STAU2: variants seen among roughly 807,000 people sequenced by gnomAD.
The protein encoded by STAU2 is double-stranded RNA-binding protein Staufen homolog 2.
Under a neutral mutation model 65.9 loss-of-function variants are expected in STAU2, and 20 were observed. The ratio of observed to expected loss-of-function variants is 0.30; its 90% CI spans 0.21 to 0.44. STAU2 has a LOEUF of 0.44. Among genes scored for constraint, STAU2 ranks in the 20% least tolerant of loss-of-function variants. The probability of loss-of-function intolerance (pLI) is 1.00; values close to 1 mark genes in which losing one functional copy is unlikely to be tolerated. For synonymous variants in STAU2, 232 were observed against 233.9 expected (o/e 0.99, Z 0.07); for missense variants, 558 against 683.9 (o/e 0.82, Z 2.05).
chr8:73,739,994 T>A, intron 1 of STAU2, 126 bp from the exon 2 acceptor site: 2 of 585,030 alleles, frequency 3.4e-6, no homozygotes, highest in East Asian at 5.7e-5. Context: ...TGTGGTGCCC[T>A]TTGGAGAGGC....
intron 9 of STAU2, among the ~76,000 whole-genome samples, chr8:73,613,200 G>A (rs1211634083): frequency 2.0e-5 from 3 of 152,198 alleles, no homozygotes; most frequent in Non-Finnish European, 4.4e-5. Flanking sequence ...ACTGCTTTAT[G>A]ATTTCCAGCT....
At chr8:73,604,867 A>G (rs1811897533) in intron 9 of STAU2, among the ~76,000 whole-genome samples, 1 of 152,186 alleles carries the variant, frequency 6.6e-6, no homozygotes, top group Non-Finnish European at 1.5e-5. Flanking sequence ...TGTCTAGTAA[A>G]GCCTGAGATG....
chr8:73,692,185 T>C (rs1038067094), intron 4 of STAU2, among the ~76,000 whole-genome samples: 1 of 150,848 alleles, frequency 6.6e-6, no homozygotes, highest in Non-Finnish European at 1.5e-5. Context: ...ACACACTTCA[T>C]CCTACGTACT....
At chr8:73,453,786 T>TA (rs201566035) in intron 13 of STAU2, among the ~76,000 whole-genome samples, 3,687 of 151,118 alleles carry the variant, frequency 0.024, 55 homozygotes, top group Non-Finnish European at 0.039. Context: ...ATCTTTTTTT[T>TA]AAAAAAAAAA....
At chr8:73,570,377 G>T (rs1808963569) in intron 12 of STAU2, among the ~76,000 whole-genome samples, 1 of 152,062 alleles carries the variant, frequency 6.6e-6, no homozygotes, top group Non-Finnish European at 1.5e-5. Context: ...AACCAAGTTG[G>T]AAAACACTCT....
intron 6 of STAU2, among the ~76,000 whole-genome samples, chr8:73,645,876 G>A (rs978739101): frequency 6.6e-6 from 1 of 152,048 alleles, no homozygotes; most frequent in Non-Finnish European, 1.5e-5. Flanking sequence ...TCATTATCAC[G>A]AGAACAGCAC....
intron 13 of STAU2, among the ~76,000 whole-genome samples, chr8:73,547,187 T>C (rs185139145): frequency 1.3e-5 from 2 of 152,338 alleles, no homozygotes; most frequent in Admixed American, 1.3e-4. Flanking sequence ...TGTCTTACTA[T>C]GTATGTGCTG....
chr8:73,509,807 C>T (rs1233836983), intron 13 of STAU2, among the ~76,000 whole-genome samples: 1 of 151,744 alleles, frequency 6.6e-6, no homozygotes, highest in African/African-American at 2.4e-5. Flanking sequence ...TGAGAGATTT[C>T]TTCAATATAC....
chr8:73,524,205 T>C (rs1031597905), intron 13 of STAU2, among the ~76,000 whole-genome samples: 5 of 152,074 alleles, frequency 3.3e-5, no homozygotes, highest in African/African-American at 1.2e-4. Flanking sequence ...AGACATAATT[T>C]AGAGGAAGAG....
chr8:73,641,947 T>C (rs559042736), intron 6 of STAU2, among the ~76,000 whole-genome samples: 1 of 152,288 alleles, frequency 6.6e-6, no homozygotes, highest in Admixed American at 6.5e-5. Flanking sequence ...TCAAATGTAC[T>C]CTTTTATACT....
intron 11 of STAU2, among the ~76,000 whole-genome samples, chr8:73,586,645 G>GAAAAAAAAAAAAAAAAAAAAA (rs1563440667): frequency 6.2e-5 from 2 of 32,092 alleles, no homozygotes; most frequent in South Asian, 7.5e-4. Context: ...GAAAAAAAAT[G>GAAAAAAAAAAAAAAAAAAAAA]CAAAAAAAAA....
chr8:73,732,157 T>G (rs1806115740), intron 3 of STAU2, among the ~76,000 whole-genome samples: 1 of 152,162 alleles, frequency 6.6e-6, no homozygotes. Context: ...TCACATGCTG[T>G]TGGCTAGAGA....
At chr8:73,508,265 A>G (rs1461911822) in intron 13 of STAU2, among the ~76,000 whole-genome samples, 2 of 152,208 alleles carry the variant, frequency 1.3e-5, no homozygotes, top group African/African-American at 4.8e-5. Flanking sequence ...AAAGCAAGCA[A>G]TATGAAACTC....
chr8:73,607,477 C>G (rs1351822191), intron 9 of STAU2, among the ~76,000 whole-genome samples: 1 of 152,082 alleles, frequency 6.6e-6, no homozygotes, highest in Non-Finnish European at 1.5e-5. Flanking sequence ...TGCCTGTAAT[C>G]TCAGCACTTT....
intron 13 of STAU2, among the ~76,000 whole-genome samples, chr8:73,448,298 C>CCTT (rs1818589558): frequency 6.7e-6 from 1 of 149,704 alleles, no homozygotes; most frequent in African/African-American, 2.4e-5. Context: ...AGATACAAGT[C>CCTT]TTTTTTTTTT....
intron 13 of STAU2, among the ~76,000 whole-genome samples, chr8:73,437,237 C>T (rs1462043680): frequency 2.0e-5 from 3 of 152,170 alleles, no homozygotes; most frequent in Admixed American, 6.6e-5. Context: ...TTGCAGATAT[C>T]ATCAGGTTAA....
chr8:73,570,920 G>T (rs1022487317), intron 12 of STAU2, among the ~76,000 whole-genome samples: 3 of 151,948 alleles, frequency 2.0e-5, no homozygotes, highest in African/African-American at 7.2e-5. Flanking sequence ...TAGTAAATGG[G>T]CTAAATGCTC....
At chr8:73,655,187 A>G (rs1816260133) in intron 6 of STAU2, among the ~76,000 whole-genome samples, 1 of 152,236 alleles carries the variant, frequency 6.6e-6, no homozygotes, top group African/African-American at 2.4e-5. Context: ...ATTTCTTCTT[A>G]CAGCTAAAGT....
At chr8:73,459,562 C>T (rs1158259873) in intron 13 of STAU2, among the ~76,000 whole-genome samples, 1 of 152,148 alleles carries the variant, frequency 6.6e-6, no homozygotes, top group Non-Finnish European at 1.5e-5. Flanking sequence ...GGGGGGCCTC[C>T]TGTGTGAAGT....
Sources: allele counts gnomAD v4.1 joint callset (sites outside exome capture counted in the v4.1 genomes callset), GRCh38; gene constraint gnomAD v4.1.1; transcripts MANE v1.5; gene names NCBI Gene and HGNC (gene_info 2026-07-23, HGNC 2026-07-21).